Variants in FBXW10 observed in about 807,000 individuals in gnomAD.
FBXW10 encodes the protein F-box/WD repeat-containing protein 10.
A neutral mutation model predicts 113.1 loss-of-function variants in FBXW10; 68 were observed. The observed-to-expected ratio is 0.60, with a 90% CI of 0.49 to 0.74. The LOEUF (loss-of-function observed/expected upper bound fraction) is 0.74. Ranked by LOEUF, FBXW10 falls within the 30% of genes least tolerant of loss-of-function variation. The pLI, the probability that FBXW10 is intolerant of heterozygous loss-of-function variation, is 0.00. For missense variants in FBXW10, 753 were observed against 1,284.5 expected, an observed-to-expected ratio of 0.59 and a Z score of 6.32; for synonymous variants, 289 against 481.6, an observed-to-expected ratio of 0.60 and a Z score of 5.24.
chr17:18,768,439 G>A (rs1021410909), intron 9 of FBXW10, 95 bp from the exon 10 acceptor site: 5 of 1,510,394 alleles, frequency 3.3e-6, no homozygotes, highest in Non-Finnish European at 4.5e-6. Context: ...ACAGATTGGT[G>A]GGGGGTGGCT....
chr17:18,775,498 C>T (rs952026590), intron 13 of FBXW10, among the ~76,000 whole-genome samples: 1 of 152,240 alleles, frequency 6.6e-6, no homozygotes, highest in Non-Finnish European at 1.5e-5. Flanking sequence ...CTAAGGTTTG[C>T]GTTTCCAGTT....
intron 2 of FBXW10, 43 bp downstream of exon 2, chr17:18,748,148 G>T (rs190543476): frequency 1.9e-6 from 3 of 1,610,926 alleles, no homozygotes; most frequent in African/African-American, 1.3e-5. Flanking sequence ...GGCTAGGTGC[G>T]GTGGCTCATG....
At chr17:18,762,799 CT>C in intron 7 of FBXW10, among the ~76,000 whole-genome samples, 1 of 151,124 alleles carries the variant, frequency 6.6e-6, no homozygotes, top group South Asian at 2.1e-4. Flanking sequence ...ATAATACCTG[CT>C]GTTATGACTT....
chr17:18,755,883 T>A (rs1402505633), intron 5 of FBXW10, among the ~76,000 whole-genome samples, 162 bp from the exon 6 acceptor site: 3 of 152,152 alleles, frequency 2.0e-5, no homozygotes, highest in Admixed American at 6.6e-5. Flanking sequence ...TTTCCTTTGG[T>A]GCTTGCTCAC....
chr17:18,773,882 G>A (rs777050740), intron 12 of FBXW10, among the ~76,000 whole-genome samples: 1 of 152,170 alleles, frequency 6.6e-6, no homozygotes, highest in Non-Finnish European at 1.5e-5. Context: ...CAGGGACACA[G>A]GGGCACCAAA....
At chr17:18,751,522 G>C (rs56195816) in intron 5 of FBXW10, among the ~76,000 whole-genome samples, 1 of 152,162 alleles carries the variant, frequency 6.6e-6, no homozygotes, top group South Asian at 2.1e-4. Flanking sequence ...GAGCCACCGC[G>C]CTCAGCCCGA....
chr17:18,750,915 T>G lies in FBXW10; in HGVS notation c.1000-16T>G. On this transcript the variant is annotated splice_polypyrimidine_tract_variant and intron_variant, in intron 4 of 13. Transcript: ENST00000395665. ...TCTGTTTTTATTTTTATTTTTTATT[T>G]TTTGTCTTTTTCCAGGGGTCCTACA... 2 of 1,606,890 alleles carry G rather than the reference T, an allele frequency of 1.2e-6. No individual in the cohort carries two copies. The highest frequency in any genetic ancestry group is 8.5e-7 in the Non-Finnish European group (1 of 1,177,352).
intron 1 of FBXW10, 200 bp downstream of exon 1, chr17:18,744,949 T>G (rs2151781600): frequency 6.9e-7 from 1 of 1,440,192 alleles, no homozygotes; most frequent in South Asian, 1.5e-5. Flanking sequence ...TGTAACTTCC[T>G]TCTTGAAAAT....
rs145424802 is a variant in FBXW10, at chr17:18,750,811, G to A, written c.1000-120G>A. ...AAGTGGGCCTGCCTGCTGCAGCCAG[G>A]GCTTACCCATCCTTCACATTTTGCC... On this transcript the variant is annotated intron_variant, in intron 4 of 13. Coordinates refer to ENST00000395665, the MANE Select transcript of FBXW10 (RefSeq NM_001267585.2). 2,366 of 1,232,008 alleles carry A rather than the reference G, an allele frequency of 1.9e-3. 38 individuals carry two copies. In the African/African-American group the frequency reaches 0.032, roughly 17 times the overall value. The allele number at this position is 1,232,008 out of a possible 1,614,324, so 76.3% of individuals were successfully genotyped here.
At chr17:18,766,218 G>A (rs2035493734) in intron 8 of FBXW10, among the ~76,000 whole-genome samples, 1 of 152,084 alleles carries the variant, frequency 6.6e-6, no homozygotes, top group Non-Finnish European at 1.5e-5. Flanking sequence ...AGTGAGGGTA[G>A]ATGACCTTCT....
intron 12 of FBXW10, among the ~76,000 whole-genome samples, chr17:18,774,711 C>A (rs1352763662): frequency 2.0e-5 from 3 of 152,222 alleles, no homozygotes; most frequent in African/African-American, 7.2e-5. Flanking sequence ...AGGAGAATCA[C>A]GTGAACCCAG....
chr17:18,747,894 A>T (rs1597586890), intron 1 of FBXW10, 47 bp from the exon 2 acceptor site: 1 of 1,613,674 alleles, frequency 6.2e-7, no homozygotes, highest in Non-Finnish European at 8.5e-7. Flanking sequence ...ATTTTCCTCA[A>T]CACACCCGCT....
chr17:18,749,642 C>A lies in FBXW10; in HGVS notation c.671-80C>A, dbSNP rs1410270944. 1.9e-6 allele frequency: 3 copies of A among 1,601,132 alleles called. No homozygotes were observed. In the East Asian group the frequency reaches 6.7e-5, roughly 36 times the overall value. On this transcript the variant is annotated intron_variant, in intron 2 of 13. Coordinates refer to ENST00000395665, the MANE Select transcript of FBXW10 (RefSeq NM_001267585.2). ...TGAGGAGGTTTATTTTCTGGGAGAG[C>A]TTTTGGTGGGGACTTGTTCTTGGCC...
rs2035752504 is a variant in FBXW10, at chr17:18,778,918, C to A, written c.2779C>A (p.Gln927Lys). 1 of 1,613,472 alleles carries A rather than the reference C, an allele frequency of 6.2e-7. No homozygotes were observed. Among genetic ancestry groups the A allele is most frequent in the East Asian group, 2.2e-5 (1 of 44,886 alleles). The stretch of plus-strand genomic sequence containing the variant: ...CTCTGGCAGCTTAAAGGGTGGAGAC[C>A]AAGTGACCAGTTCAATTGAAAGGGC... ...RFSGSLKGGDQVTSSIERAVC... is the reference protein window; with the variant it reads ...RFSGSLKGGDKVTSSIERAVC... The change falls in exon 14 of 14, where the codon CAA (glutamine) becomes AAA (lysine). Residue 927 changes from glutamine to lysine, a missense_variant. Coordinates refer to ENST00000395665, the MANE Select transcript of FBXW10 (RefSeq NM_001267585.2).
chr17:18,757,001 G>C (rs1431693141), intron 6 of FBXW10, among the ~76,000 whole-genome samples: 2 of 151,890 alleles, frequency 1.3e-5, no homozygotes, highest in Non-Finnish European at 2.9e-5. Flanking sequence ...TGAATTCTAG[G>C]TATGACCAAC....
chr17:18,759,319 T>C (rs1046667243), intron 7 of FBXW10, among the ~76,000 whole-genome samples: 1 of 152,224 alleles, frequency 6.6e-6, no homozygotes, highest in Admixed American at 6.5e-5. Context: ...GGTAATATTA[T>C]TCTAATTTTA....
intron 7 of FBXW10, among the ~76,000 whole-genome samples, chr17:18,761,535 G>T (rs1361352435): frequency 6.6e-6 from 1 of 152,154 alleles, no homozygotes; most frequent in Non-Finnish European, 1.5e-5. Context: ...AAAGTGCTGG[G>T]ATTACAGGCA....
intron 8 of FBXW10, among the ~76,000 whole-genome samples, chr17:18,765,105 A>G (rs1334137152): frequency 2.0e-5 from 3 of 152,224 alleles, no homozygotes; most frequent in Non-Finnish European, 2.9e-5. Context: ...GAGAAAAAAA[A>G]TAATAGGATA....
intron 11 of FBXW10, among the ~76,000 whole-genome samples, chr17:18,771,393 G>A (rs1196491179): frequency 1.3e-5 from 2 of 152,160 alleles, no homozygotes; most frequent in Non-Finnish European, 1.5e-5. Context: ...GGGGAAAGCC[G>A]CTTGCTTGTA....
Sources: gnomAD v4.1 joint callset for allele counts (sites outside exome capture counted in the v4.1 genomes callset) on GRCh38, gnomAD v4.1.1 for gene constraint, MANE v1.5 for transcripts, NCBI Gene and HGNC (gene_info 2026-07-23, HGNC 2026-07-21) for gene names.